The following EXOC2 variants were observed in gnomAD, a reference collection of about 807,000 sequenced individuals.
EXOC2 encodes SEC5-like 1.
A neutral mutation model predicts 131.8 loss-of-function variants in EXOC2; 70 were observed. The ratio of observed to expected loss-of-function variants is 0.53; its 90% confidence interval spans 0.44 to 0.65. The LOEUF is 0.65. Among genes scored for constraint, EXOC2 ranks in the 30% least tolerant of loss-of-function variants. The pLI, the probability that EXOC2 is intolerant of heterozygous loss-of-function variation, is 0.00. For missense variants in EXOC2, 923 were observed against 1,108.6 expected (o/e 0.83, Z 2.38); for synonymous variants, 411 against 398.4 (o/e 1.03, Z -0.38).
At chr6:672,324 A>G (rs1014184982) in intron 1 of EXOC2, among the ~76,000 whole-genome samples, 2 of 152,120 alleles carry the variant, frequency 1.3e-5, no homozygotes, top group African/African-American at 4.8e-5. Context: ...TATCTGCTGC[A>G]TGTTCCCCAC....
rs563650728 is a variant in EXOC2, at chr6:660,719, C to T, written c.-43-22858G>A. Reference sequence around the variant, plus strand: ...TGAGAAGGAACCAGAAAACCAACCCCGGTAATATGACAAAACAAGGCTCTT... The same window carrying T: ...TGAGAAGGAACCAGAAAACCAACCCTGGTAATATGACAAAACAAGGCTCTT... On this transcript the variant is annotated intron_variant, in intron 1 of 27. Coordinates refer to ENST00000230449, the MANE Select transcript of EXOC2 (RefSeq NM_018303.6). Among the ~76,000 whole-genome samples, 47 of 152,156 alleles carry T rather than the reference C, an allele frequency of 3.1e-4. No individual in the cohort carries two copies. In the South Asian group the frequency reaches 8.9e-3, roughly 29 times the overall value.
In EXOC2 at chr6:486,726, A is replaced by G; in HGVS notation, c.2720T>C (p.Met907Thr). 6.2e-7 allele frequency: 1 copy of G among 1,614,210 alleles called. No individual in the cohort carries two copies. Among genetic ancestry groups the G allele is most frequent in the South Asian group, 1.1e-5 (1 of 91,082 alleles). ...EELLNKFKSS[M>T]HLQLTCFQAA... ...TTGGAAACAGGTGAGCTGCAAGTGC[A>G]TGCTACTCTTGAACTTGTTCAGGAG... The change falls in exon 28 of 28, where the codon ATG (methionine) becomes ACG (threonine). Residue 907 changes from methionine to threonine, a missense_variant. Met to Thr is a moderately conservative substitution (Grantham distance 81). Transcript: ENST00000230449.
chr6:499,002 C>T (rs1186383519), intron 24 of EXOC2, among the ~76,000 whole-genome samples: 4 of 152,214 alleles, frequency 2.6e-5, no homozygotes, highest in African/African-American at 7.2e-5. Context: ...CTGGTCTCTT[C>T]TTTCAATGTT....
At chr6:623,329 A>G (rs1761390182) in intron 4 of EXOC2, among the ~76,000 whole-genome samples, 1 of 152,156 alleles carries the variant, frequency 6.6e-6, no homozygotes, top group Non-Finnish European at 1.5e-5. Context: ...GGCCAGGTAC[A>G]ATTTGAAAAG....
intron 1 of EXOC2, among the ~76,000 whole-genome samples, chr6:659,586 C>T (rs894722121): frequency 6.6e-5 from 10 of 152,210 alleles, no homozygotes; most frequent in African/African-American, 2.4e-4. Context: ...CTCCCGAACA[C>T]ACACTCCCAC....
At chr6:626,167 G>A (rs990327994) in intron 4 of EXOC2, among the ~76,000 whole-genome samples, 1 of 152,144 alleles carries the variant, frequency 6.6e-6, no homozygotes, top group African/African-American at 2.4e-5. Context: ...TCAATTCAAA[G>A]TGAAGTTATT....
chr6:664,418 C>T (rs922728071), intron 1 of EXOC2, among the ~76,000 whole-genome samples: 8 of 152,142 alleles, frequency 5.3e-5, no homozygotes, highest in African/African-American at 1.4e-4. Context: ...CATCACTCTA[C>T]ACAAAATTAG....
intron 1 of EXOC2, among the ~76,000 whole-genome samples, chr6:639,943 T>C (rs1490847525): frequency 6.6e-6 from 1 of 152,088 alleles, no homozygotes; most frequent in Non-Finnish European, 1.5e-5. Context: ...AAAGGGAGGA[T>C]AGGCGAAATG....
chr6:518,400 T>G (rs147702268), intron 23 of EXOC2, among the ~76,000 whole-genome samples: 19 of 152,370 alleles, frequency 1.2e-4, no homozygotes, highest in Admixed American at 8.5e-4. Flanking sequence ...AGTTTTTAAA[T>G]GACTTGGACT....
chr6:497,636 A>G, intron 24 of EXOC2, 147 bp from the exon 25 acceptor site: 1 of 1,057,166 alleles, frequency 9.5e-7, no homozygotes, highest in Admixed American at 2.7e-5. Flanking sequence ...AATGAAAGGA[A>G]GATACAGACT....
chr6:657,446 T>C (rs1230280928), intron 1 of EXOC2, among the ~76,000 whole-genome samples: 2 of 151,262 alleles, frequency 1.3e-5, no homozygotes, highest in African/African-American at 2.4e-5. Context: ...CACCTTTCCA[T>C]GCTGGTGAAA....
chr6:503,038 A>G (rs1764319943), intron 23 of EXOC2, among the ~76,000 whole-genome samples: 1 of 152,232 alleles, frequency 6.6e-6, no homozygotes, highest in Non-Finnish European at 1.5e-5. Context: ...AGCTGCCATC[A>G]TAACCTCCCA....
At chr6:604,869 C>T (rs1760317111) in intron 7 of EXOC2, among the ~76,000 whole-genome samples, 1 of 148,102 alleles carries the variant, frequency 6.8e-6, no homozygotes. Flanking sequence ...CTTCCTGCTC[C>T]TCTCTTAAGG....
At chr6:498,346 A>T (rs1272887444) in intron 24 of EXOC2, among the ~76,000 whole-genome samples, 3 of 152,246 alleles carry the variant, frequency 2.0e-5, no homozygotes, top group Non-Finnish European at 4.4e-5. Flanking sequence ...CAATTTCCAC[A>T]GATCTCACAG....
chr6:616,906 A>AT (rs1250612355), intron 6 of EXOC2, among the ~76,000 whole-genome samples: 9 of 151,762 alleles, frequency 5.9e-5, no homozygotes, highest in East Asian at 3.9e-4. Flanking sequence ...CGCCTGGCTA[A>AT]TTTTTTGTAT....
intron 11 of EXOC2, among the ~76,000 whole-genome samples, chr6:589,821 C>G (rs1257083297): frequency 6.6e-6 from 1 of 152,190 alleles, no homozygotes; most frequent in East Asian, 1.9e-4. Flanking sequence ...GTTAAAAAGC[C>G]CCAGTGGACG....
chr6:487,637 A>G (rs774701681), intron 27 of EXOC2, among the ~76,000 whole-genome samples: 8 of 151,984 alleles, frequency 5.3e-5, no homozygotes, highest in African/African-American at 1.9e-4. Flanking sequence ...GATTTCCTGA[A>G]GTCGTGATCC....
In EXOC2 at chr6:612,904, G is replaced by A. The variant is rs376998058; in HGVS notation, c.662-2726C>T. The stretch of plus-strand genomic sequence containing the variant: ...GGCAAGTGATAATGCTGGACTTGCC[G>A]CTAAAAACAAGAGATTATACAGGTC... On this transcript the variant is annotated intron_variant, in intron 6 of 27. Transcript: ENST00000230449. 9.4e-4 allele frequency among the ~76,000 whole-genome samples: 143 copies of A among 152,254 alleles called. 2 individuals are homozygous for A. Among genetic ancestry groups the A allele is most frequent in the African/African-American group, 3.4e-3 (141 of 41,536 alleles).
chr6:602,474 CACCCCGTGT>C lies in EXOC2; in HGVS notation c.743-3258_743-3250del, dbSNP rs1760153803. On this transcript the variant is annotated intron_variant, in intron 7 of 27. Coordinates refer to ENST00000230449, the MANE Select transcript of EXOC2 (RefSeq NM_018303.6). Reference sequence around the variant, plus strand: ...TCCACACACATTCTCACACCAAGAACACCCCGTGTGCAAATCCACACACATTCTCACACC... The same window carrying C: ...TCCACACACATTCTCACACCAAGAACGCAAATCCACACACATTCTCACACC... Among the ~76,000 whole-genome samples, 3 of 35,928 alleles carry C rather than the reference CACCCCGTGT, an allele frequency of 8.4e-5. No homozygotes were observed. In the South Asian group the frequency reaches 3.1e-3, roughly 37 times the overall value. The allele number at this position is 35,928 out of a possible 152,430, so 23.6% of individuals were successfully genotyped here.
Sources: allele counts gnomAD v4.1 joint callset (sites outside exome capture counted in the v4.1 genomes callset), GRCh38; gene constraint gnomAD v4.1.1; transcripts MANE v1.5; gene names NCBI Gene and HGNC (gene_info 2026-07-23, HGNC 2026-07-21).